Variants in NCOA2 observed in about 807,000 individuals in gnomAD.
NCOA2 encodes the protein nuclear receptor coactivator 2.
In NCOA2, 21 loss-of-function variants were observed where a neutral mutation model predicts 145.1. The observed-to-expected ratio is 0.14, with a 90% CI of 0.10 to 0.21. NCOA2 has a LOEUF of 0.21. Among genes scored for constraint, NCOA2 ranks in the 10% least tolerant of loss-of-function variants. NCOA2 has a pLI of 1.00. For synonymous variants in NCOA2, 619 were observed against 637.5 expected (o/e 0.97, Z 0.44); for missense variants, 1,472 against 1,837.6 (o/e 0.80, Z 3.64).
chr8:70,225,776 G>A (rs1190486139), intron 2 of NCOA2, among the ~76,000 whole-genome samples: 1 of 151,884 alleles, frequency 6.6e-6, no homozygotes, highest in Non-Finnish European at 1.5e-5. Flanking sequence ...TATGAAAAGC[G>A]GTACAATGTT....
intron 14 of NCOA2, among the ~76,000 whole-genome samples, chr8:70,138,794 C>G (rs970202322): frequency 6.6e-6 from 1 of 152,170 alleles, no homozygotes; most frequent in Non-Finnish European, 1.5e-5. Flanking sequence ...TACATTTCTG[C>G]AAATAGCTTT....
chr8:70,351,281 T>A (rs1809176887), intron 1 of NCOA2, among the ~76,000 whole-genome samples: 1 of 152,176 alleles, frequency 6.6e-6, no homozygotes, highest in African/African-American at 2.4e-5. Context: ...AGTAATAGGT[T>A]ATACATTTTA....
In NCOA2 at chr8:70,346,117, T is replaced by C. The variant is rs532737606; in HGVS notation, c.-76-49317A>G. Among the ~76,000 whole-genome samples the C allele has an allele frequency of 3.3e-5, 5 of 152,364 alleles. No individual in the cohort carries two copies. In the South Asian group the frequency reaches 1.0e-3, roughly 32 times the overall value. ...CAGTACTTGAATTTCTCAGGATGTTTTGAAGTGTACAGAAATCTACAGACA... is the reference window on the plus strand; with the variant it reads ...CAGTACTTGAATTTCTCAGGATGTTCTGAAGTGTACAGAAATCTACAGACA... On this transcript the variant is annotated intron_variant, in intron 1 of 22. Transcript: ENST00000452400.
At position 70,278,517 on chromosome 8, in the gene NCOA2, G is replaced by A. The variant is rs73684265; in HGVS notation, c.-20+18227C>T. Among the ~76,000 whole-genome samples the A allele has an allele frequency of 6.1e-3, 936 of 152,210 alleles. 8 individuals carry two copies. Among genetic ancestry groups the A allele is most frequent in the Middle Eastern group, 0.024 (7 of 294 alleles). ...GGGGTGACTCCTCCTTCCCTTAGAA[G>A]TCAGTCACTTCCTAGAATCCGCTTA... On this transcript the variant is annotated intron_variant, in intron 2 of 22. Coordinates refer to ENST00000452400, the MANE Select transcript of NCOA2 (RefSeq NM_006540.4).
At chr8:70,403,267 G>A (rs1348318772) in intron 1 of NCOA2, among the ~76,000 whole-genome samples, 3 of 151,244 alleles carry the variant, frequency 2.0e-5, no homozygotes, top group African/African-American at 2.4e-5. Context: ...CACCGGGCTG[G>A]GCAATGGGCA....
In NCOA2 at chr8:70,156,490, T is replaced by C. The variant is rs761961936; in HGVS notation, c.1875A>G (p.Arg625=). ...PNLPPAVSSE[R]ADGQSRLHDS... Reference sequence around the variant, plus strand: ...CATGCAGTCTGCTCTGCCCGTCAGCTCTCTCACTGCTCACGGCCGGGGGCA... The same window carrying C: ...CATGCAGTCTGCTCTGCCCGTCAGCCCTCTCACTGCTCACGGCCGGGGGCA... The change falls in exon 11 of 23, where the codon AGA becomes AGG. Residue 625 remains arginine, a synonymous_variant. Transcript: ENST00000452400. The C allele has an allele frequency of 1.2e-6, 2 of 1,613,912 alleles. No individual in the cohort carries two copies. The highest frequency in any genetic ancestry group is 4.5e-5 in the East Asian group (2 of 44,866).
At position 70,141,255 on chromosome 8, in the gene NCOA2, G is replaced by A. The variant is rs1810381044; in HGVS notation, c.2957C>T (p.Ala986Val). 6.2e-7 allele frequency: 1 copy of A among 1,613,802 alleles called. No homozygotes were observed. The highest frequency in any genetic ancestry group is 1.3e-5 in the African/African-American group (1 of 74,912). Reference protein sequence around the residue: ...VQGGMIRNPAASIPMRPSSQP... With the variant: ...VQGGMIRNPAVSIPMRPSSQP... ...GCTGCTGGGCCTCATGGGGATGCTG[G>A]CTGCTGGGTTCCGAATCATACCTCC... The change falls in exon 14 of 23, where the codon GCC becomes GTC. Residue 986 changes from alanine to valine, a missense_variant. Coordinates refer to ENST00000452400, the MANE Select transcript of NCOA2 (RefSeq NM_006540.4).
chr8:70,203,108 T>C (rs1408700706), intron 4 of NCOA2, among the ~76,000 whole-genome samples: 3 of 151,752 alleles, frequency 2.0e-5, no homozygotes, highest in African/African-American at 7.3e-5. Context: ...ACTAAAAATA[T>C]AAAAATTAGC....
chr8:70,179,109 TAAAAG>T (rs1207046259), intron 4 of NCOA2, among the ~76,000 whole-genome samples: 1 of 152,070 alleles, frequency 6.6e-6, no homozygotes, highest in African/African-American at 2.4e-5. Context: ...TCCTCATTAA[TAAAAG>T]AAAAAAGGGT....
chr8:70,309,975 A>C (rs548389184), intron 1 of NCOA2, among the ~76,000 whole-genome samples: 55 of 151,930 alleles, frequency 3.6e-4, no homozygotes, highest in African/African-American at 1.2e-3. Flanking sequence ...ACAAACAAAC[A>C]AAAAAACGAA....
intron 4 of NCOA2, among the ~76,000 whole-genome samples, chr8:70,182,136 A>T (rs1161333780): frequency 6.6e-6 from 1 of 152,244 alleles, no homozygotes; most frequent in Admixed American, 6.5e-5. Flanking sequence ...TATCTTTTCA[A>T]CATTAATGCA....
intron 12 of NCOA2, among the ~76,000 whole-genome samples, chr8:70,147,464 T>A (rs1397240880): frequency 6.6e-6 from 1 of 152,190 alleles, no homozygotes; most frequent in Non-Finnish European, 1.5e-5. Context: ...GAAAAATCAC[T>A]CTGTTTTGCC....
At chr8:70,337,174 A>G (rs1807674788) in intron 1 of NCOA2, among the ~76,000 whole-genome samples, 1 of 151,656 alleles carries the variant, frequency 6.6e-6, no homozygotes. Context: ...TGTACACACA[A>G]TTTAGCCTAC....
intron 1 of NCOA2, among the ~76,000 whole-genome samples, chr8:70,334,548 G>A (rs1038210344): frequency 3.3e-5 from 5 of 152,140 alleles, no homozygotes; most frequent in Non-Finnish European, 7.4e-5. Flanking sequence ...TCTCTGTCTT[G>A]CATTTTAGTT....
At chr8:70,116,215 A>C (rs1337145068) in intron 22 of NCOA2, among the ~76,000 whole-genome samples, 1 of 143,666 alleles carries the variant, frequency 7.0e-6, no homozygotes, top group East Asian at 2.3e-4. Context: ...AAAGGATGAC[A>C]GTAGTATCTT....
intron 2 of NCOA2, among the ~76,000 whole-genome samples, chr8:70,238,126 T>TA (rs1821798653): frequency 6.6e-6 from 1 of 152,004 alleles, no homozygotes; most frequent in Non-Finnish European, 1.5e-5. Context: ...ATGGATAACT[T>TA]AGTCAATGAA....
intron 1 of NCOA2, among the ~76,000 whole-genome samples, chr8:70,305,125 G>T (rs1291881692): frequency 1.4e-5 from 2 of 147,542 alleles, no homozygotes; most frequent in Admixed American, 1.4e-4. Context: ...GGCCTCAAGT[G>T]ATCTTCCCAC....
intron 11 of NCOA2, among the ~76,000 whole-genome samples, chr8:70,153,717 T>C (rs1323459032): frequency 6.6e-6 from 1 of 152,184 alleles, no homozygotes. Flanking sequence ...ATTAAAACAC[T>C]TACAGGTGTT....
chr8:70,242,303 T>C (rs1822205537), intron 2 of NCOA2, among the ~76,000 whole-genome samples: 1 of 152,160 alleles, frequency 6.6e-6, no homozygotes, highest in South Asian at 2.1e-4. Context: ...GTTTGGTGTT[T>C]CTTATAAAAT....
Sources: gnomAD v4.1 joint callset for allele counts (sites outside exome capture counted in the v4.1 genomes callset) on GRCh38, gnomAD v4.1.1 for gene constraint, MANE v1.5 for transcripts, NCBI Gene and HGNC (gene_info 2026-07-23, HGNC 2026-07-21) for gene names.